The following AOC3 variants were observed in gnomAD, a reference collection of about 807,000 sequenced individuals.
The protein encoded by AOC3 is amine oxidase [copper-containing] 3.
In AOC3, 47 loss-of-function variants were observed where a neutral mutation model predicts 55.4. The ratio of observed to expected loss-of-function variants is 0.85; its 90% CI spans 0.67 to 1.08. AOC3 has a LOEUF of 1.08. Ranked by LOEUF, AOC3 falls within the 50% of genes least tolerant of loss-of-function variation. AOC3 has a pLI of 0.00. For synonymous variants in AOC3, 386 were observed against 410.7 expected (o/e 0.94, Z 0.73); for missense variants, 853 against 993.1 (o/e 0.86, Z 1.90).
At position 42,852,840 on chromosome 17, in the gene AOC3, C is replaced by T; in HGVS notation, c.1497C>T (p.Phe499=). The stretch of plus-strand genomic sequence containing the variant: ...CCACGGGCTACATCAGCTCGGCATT[C>T]CTCTTTGGTGCTACTGGGAAGTACG... ...FYATGYISSA[F]LFGATGKYGN... The change falls in exon 1 of 4, where the codon TTC becomes TTT. Residue 499 remains phenylalanine, a synonymous_variant. Transcript: ENST00000308423. 1 of 1,613,856 alleles carries T rather than the reference C, an allele frequency of 6.2e-7. No individual in the cohort carries two copies. Among genetic ancestry groups the T allele is most frequent in the Non-Finnish European group, 8.5e-7 (1 of 1,179,768 alleles).
Position 42,852,755 on chromosome 17 carries a change from A to G in AOC3, c.1412A>G (p.Tyr471Cys). Residue 471 changes from tyrosine (Y) to cysteine (C), a missense_variant, in exon 1 of 4, where the codon TAT (tyrosine) becomes TGT (cysteine). By Grantham distance (194) the Tyr-to-Cys change is radical. Coordinates refer to ENST00000308423, the MANE Select transcript of AOC3 (RefSeq NM_003734.4). ...AGATCTATGTCCACCTTGCTCAACT[A>G]TGACTATGTGTGGGATACGGTCTTC... ...VVRSMSTLLN[Y>C]DYVWDTVFHP... is the part of the protein sequence containing the mutation. The G allele has an allele frequency of 3.1e-6, 5 of 1,614,126 alleles. No homozygotes were observed. The South Asian group carries it at 3.3e-5, about 11-fold the overall frequency.
At position 42,857,771 on chromosome 17, in the gene AOC3, A is replaced by C. The variant is rs1340635298; in HGVS notation, c.*1221A>C. On this transcript the variant is annotated 3_prime_UTR_variant, in exon 4 of 4. Coordinates refer to ENST00000308423, the MANE Select transcript of AOC3 (RefSeq NM_003734.4). ...CAACAGAAACTTTTTTCTCTAAAGG[A>C]CTGGTTAAATCAATTCTGATACAGC... 1 of 152,250 alleles carries C rather than the reference A, an allele frequency of 6.6e-6. No homozygotes were observed. The highest frequency in any genetic ancestry group is 6.5e-5 in the Admixed American group (1 of 15,284). 9.4% of individuals were successfully genotyped at this position (152,250 alleles called of 1,614,324 possible). A position where few individuals can be genotyped will look rare whatever the true frequency, so the allele number is the denominator to read the frequency against.
intron 2 of AOC3, among the ~76,000 whole-genome samples, chr17:42,855,135 A>G (rs891865018): frequency 1.3e-5 from 2 of 152,156 alleles, no homozygotes; most frequent in South Asian, 2.1e-4. Flanking sequence ...ATGAGCCACA[A>G]TGCCTGGCCA....
Position 42,854,508 on chromosome 17 carries a change from G to T in AOC3, c.1661G>T (p.Ser554Ile). ...TTTGTCCCCATGGCTGTGCCCTGGAGCCCTGAGCACCAGCTGCAGAGGCTG... is the reference window on the plus strand; with the variant it reads ...TTTGTCCCCATGGCTGTGCCCTGGATCCCTGAGCACCAGCTGCAGAGGCTG... ...MVFVPMAVPWSPEHQLQRLQV... is the reference protein window; with the variant it reads ...MVFVPMAVPWIPEHQLQRLQV... Residue 554 changes from serine (S) to isoleucine (I), a missense_variant, in exon 2 of 4, where the codon AGC becomes ATC. By Grantham distance (142) the Ser-to-Ile change is moderately radical (BLOSUM62 -2). Coordinates refer to ENST00000308423, the MANE Select transcript of AOC3 (RefSeq NM_003734.4). 6.2e-7 allele frequency: 1 copy of T among 1,605,344 alleles called. No homozygotes were observed. The highest frequency in any genetic ancestry group is 8.5e-7 in the Non-Finnish European group (1 of 1,175,014).
At chr17:42,852,972 C>T in intron 1 of AOC3, 29 bp downstream of exon 1, 1 of 1,588,538 alleles carries the variant, frequency 6.3e-7, no homozygotes, top group Non-Finnish European at 8.6e-7. Flanking sequence ...GAGAAGGCTT[C>T]TGGAAGAAGG....
At chr17:42,855,681 A>G in intron 3 of AOC3, 108 bp downstream of exon 3, 3 of 1,446,434 alleles carry the variant, frequency 2.1e-6, no homozygotes, top group Non-Finnish European at 2.9e-6. Context: ...TGCCTTCTGC[A>G]CTTCAGTATA....
rs548556780 is a variant in AOC3, at chr17:42,851,852, C to A, written c.509C>A (p.Pro170His). 6.2e-6 allele frequency: 10 copies of A among 1,613,662 alleles called. No homozygotes were observed. In the East Asian group the frequency reaches 2.0e-4, roughly 32 times the overall value. The change falls in exon 1 of 4, where the codon CCC becomes CAC. Residue 170 changes from proline to histidine, a missense_variant. Transcript: ENST00000308423. ...HGGPLPYHRR[P>H]VLFQEYLDID... is the part of the protein sequence containing the mutation. ...GGCCCCCTGCCCTATCACCGACGCC[C>A]CGTGCTGTTCCAAGAGTACCTGGAC...
Position 42,851,786 on chromosome 17 carries a change from A to C in AOC3, c.443A>C (p.His148Pro), listed in dbSNP as rs745392300. ...VSELVVGPLP[H>P]PSYMRDVTVE... is the part of the protein sequence containing the mutation. ...GAGCTGGTGGTGGGGCCACTGCCTC[A>C]CCCCTCCTACATGCGGGACGTGACT... Residue 148 changes from histidine to proline, a missense_variant, in exon 1 of 4, where the codon CAC becomes CCC. By Grantham distance (77) the His-to-Pro change is moderately conservative. Coordinates refer to ENST00000308423, the MANE Select transcript of AOC3 (RefSeq NM_003734.4). 1.9e-6 allele frequency: 3 copies of C among 1,612,996 alleles called. No individual in the cohort carries two copies. The highest frequency in any genetic ancestry group is 2.5e-6 in the Non-Finnish European group (3 of 1,179,900).
In AOC3 at chr17:42,858,006, A is replaced by G. The variant is rs1219991782; in HGVS notation, c.*1456A>G. 6.6e-6 allele frequency: 1 copy of G among 152,194 alleles called. No individual in the cohort carries two copies. The highest frequency in any genetic ancestry group is 2.4e-5 in the African/African-American group (1 of 41,450). 9.4% of individuals were successfully genotyped at this position (152,194 alleles called of 1,614,324 possible). A position where few individuals can be genotyped will look rare whatever the true frequency, so the allele number is the denominator to read the frequency against. ...AACACTGATTACTTTTGGGAGGGGAACCAGTAGGTTGAGGACAGGAGAGGG... is the reference window on the plus strand; with the variant it reads ...AACACTGATTACTTTTGGGAGGGGAGCCAGTAGGTTGAGGACAGGAGAGGG... On this transcript the variant is annotated 3_prime_UTR_variant, in exon 4 of 4. Coordinates refer to ENST00000308423, the MANE Select transcript of AOC3 (RefSeq NM_003734.4).
chr17:42,857,027 C>T lies in AOC3; in HGVS notation c.*477C>T, dbSNP rs1051258897. ...TTCCTTCTCGTCTTCCTCTCTCTCA[C>T]CTACTTCCTCCTCCTCCTCCTGTTC... On this transcript the variant is annotated 3_prime_UTR_variant, in exon 4 of 4. Transcript: ENST00000308423. The T allele has an allele frequency of 3.7e-5, 6 of 163,968 alleles. No individual in the cohort carries two copies. Among genetic ancestry groups the T allele is most frequent in the African/African-American group, 1.4e-4 (6 of 41,632 alleles). The allele number at this position is 163,968 out of a possible 1,614,324, so 10.2% of individuals were successfully genotyped here. A position where few individuals can be genotyped will look rare whatever the true frequency, so the allele number is the denominator to read the frequency against.
chr17:42,852,456 C>T lies in AOC3; in HGVS notation c.1113C>T (p.Ile371=), dbSNP rs1191857360. The part of the protein sequence containing the change: ...YEISLQEALA[I]YGGNSPAAMT... Reference sequence around the variant, plus strand: ...TAAGCCTCCAAGAGGCCTTGGCCATCTATGGTGGAAATTCCCCAGCAGCAA... The same window carrying T: ...TAAGCCTCCAAGAGGCCTTGGCCATTTATGGTGGAAATTCCCCAGCAGCAA... Residue 371 remains isoleucine, a synonymous_variant, in exon 1 of 4, where the codon ATC becomes ATT. Coordinates refer to ENST00000308423, the MANE Select transcript of AOC3 (RefSeq NM_003734.4). 1.2e-6 allele frequency: 2 copies of T among 1,614,182 alleles called. No homozygotes were observed. The highest frequency in any genetic ancestry group is 4.5e-5 in the East Asian group (2 of 44,882).
At position 42,852,623 on chromosome 17, in the gene AOC3, A is replaced by T; in HGVS notation, c.1280A>T (p.Asp427Val). The part of the protein sequence containing the change: ...LESQAPKTIR[D>V]AFCVFEQNQG... Reference sequence around the variant, plus strand: ...TCCCAGGCCCCCAAGACAATACGTGATGCCTTTTGTGTGTTTGAACAGAAC... The same window carrying T: ...TCCCAGGCCCCCAAGACAATACGTGTTGCCTTTTGTGTGTTTGAACAGAAC... Residue 427 changes from aspartate to valine, a missense_variant, in exon 1 of 4, where the codon GAT becomes GTT. Asp to Val is a radical substitution (Grantham distance 152). Coordinates refer to ENST00000308423, the MANE Select transcript of AOC3 (RefSeq NM_003734.4). 6.2e-7 allele frequency: 1 copy of T among 1,614,082 alleles called. No homozygotes were observed. The highest frequency in any genetic ancestry group is 8.5e-7 in the Non-Finnish European group (1 of 1,180,010).
chr17:42,851,742 A>C lies in AOC3; in HGVS notation c.399A>C (p.Gln133His). ...TGGCCATCGTCTTCTTTGGCAGGCA[A>C]CCCCAGCCCAACGTGAGTGAGCTGG... The part of the protein sequence containing the change: ...EALAIVFFGR[Q>H]PQPNVSELVV... Residue 133 changes from glutamine (Q) to histidine (H), a missense_variant, in exon 1 of 4, where the codon CAA becomes CAC. Physicochemically the swap from Gln to His is conservative, Grantham distance 24 (BLOSUM62 0). Transcript: ENST00000308423. The C allele has an allele frequency of 6.2e-7, 1 of 1,611,886 alleles. No homozygotes were observed. The highest frequency in any genetic ancestry group is 8.5e-7 in the Non-Finnish European group (1 of 1,179,230).
chr17:42,852,142 C>T lies in AOC3; in HGVS notation c.799C>T (p.Gln267Ter). 3.7e-6 allele frequency: 6 copies of T among 1,613,942 alleles called. No individual in the cohort carries two copies. Among genetic ancestry groups the T allele is most frequent in the Non-Finnish European group, 5.1e-6 (6 of 1,179,852 alleles). ...ARWTIQKVFY[Q>*]GRYYDSLAQL... ...CTGGACTATCCAGAAGGTGTTCTAT[C>T]AAGGCCGCTACTACGACAGCCTGGC... Residue 267 changes from glutamine to a stop codon, truncating the protein, a stop_gained, in exon 1 of 4, where the codon CAA (glutamine) becomes TAA (stop). Transcript: ENST00000308423. LOFTEE classifies it high-confidence loss of function.
Position 42,854,448 on chromosome 17 carries a change from G to T in AOC3, c.1601G>T (p.Gly534Val). ...AHFKVDLDVA[G>V]LENWVWAEDM... ...CCCTCCCCTATCCCACCCTGAGCAGGACTGGAGAACTGGGTCTGGGCCGAG... is the reference window on the plus strand; with the variant it reads ...CCCTCCCCTATCCCACCCTGAGCAGTACTGGAGAACTGGGTCTGGGCCGAG... Residue 534 changes from glycine (G) to valine (V), a missense_variant and splice_region_variant, in exon 2 of 4, where the codon GGA becomes GTA. Transcript: ENST00000308423. The T allele has an allele frequency of 1.1e-5, 16 of 1,523,130 alleles. No individual in the cohort carries two copies. The highest frequency in any genetic ancestry group is 1.4e-5 in the Non-Finnish European group (16 of 1,129,688). The allele number at this position is 1,523,130 out of a possible 1,614,324, so 94.4% of individuals were successfully genotyped here.
chr17:42,853,320 T>G (rs370341855), intron 1 of AOC3: 2 of 1,032,218 alleles, frequency 1.9e-6, no homozygotes. Flanking sequence ...GTGGTGGTGT[T>G]TTGGAGGATC....
At position 42,854,842 on chromosome 17, in the gene AOC3, T is replaced by A. The variant is rs2055727251; in HGVS notation, c.1886+109T>A. ...AGGGGAGAGCTCTCTCAGGAAGGCT[T>A]TTCTTTTCCTTTTTTTTTTTTTTTT... On this transcript the variant is annotated intron_variant, in intron 2 of 3. Coordinates refer to ENST00000308423, the MANE Select transcript of AOC3 (RefSeq NM_003734.4). The A allele has an allele frequency of 1.3e-5, 15 of 1,147,074 alleles. No homozygotes were observed. The South Asian group carries it at 5.0e-4, about 38-fold the overall frequency. The allele number at this position is 1,147,074 out of a possible 1,614,324, so 71.1% of individuals were successfully genotyped here.
At position 42,851,661 on chromosome 17, in the gene AOC3, G is replaced by A; in HGVS notation, c.318G>A (p.Lys106=). The change falls in exon 1 of 4, where the codon AAG becomes AAA. Residue 106 remains lysine (K), a synonymous_variant. Coordinates refer to ENST00000308423, the MANE Select transcript of AOC3 (RefSeq NM_003734.4). The part of the protein sequence containing the change: ...VFSVELQLPP[K]AAALAHLDRG... Reference sequence around the variant, plus strand: ...CAGTGGAGTTGCAGCTGCCTCCCAAGGCTGCAGCCCTGGCTCACTTGGACA... The same window carrying A: ...CAGTGGAGTTGCAGCTGCCTCCCAAAGCTGCAGCCCTGGCTCACTTGGACA... 6.2e-7 allele frequency: 1 copy of A among 1,612,970 alleles called. No homozygotes were observed. The highest frequency in any genetic ancestry group is 1.1e-5 in the South Asian group (1 of 91,052).
Position 42,854,509 on chromosome 17 carries a change from C to T in AOC3, c.1662C>T (p.Ser554=), listed in dbSNP as rs1222422973. 3 of 1,605,098 alleles carry T rather than the reference C, an allele frequency of 1.9e-6. No individual in the cohort carries two copies. The Admixed American group carries it at 5.1e-5, about 27-fold the overall frequency. ...TTGTCCCCATGGCTGTGCCCTGGAG[C>T]CCTGAGCACCAGCTGCAGAGGCTGC... ...MVFVPMAVPW[S]PEHQLQRLQV... The change falls in exon 2 of 4, where the codon AGC becomes AGT. Residue 554 remains serine (S), a synonymous_variant. Coordinates refer to ENST00000308423, the MANE Select transcript of AOC3 (RefSeq NM_003734.4).
Sources: allele counts gnomAD v4.1 joint callset (sites outside exome capture counted in the v4.1 genomes callset), GRCh38; gene constraint gnomAD v4.1.1; transcripts MANE v1.5; gene names NCBI Gene and HGNC (gene_info 2026-07-23, HGNC 2026-07-21).